SEMA5A: variants seen among roughly 807,000 people sequenced by gnomAD.
The protein encoded by SEMA5A is semaphorin 5A.
SEMA5A carries 55 observed loss-of-function variants against 135.5 expected under a neutral mutation model. The observed-to-expected ratio is 0.41, with a 90% CI of 0.33 to 0.51. SEMA5A has a LOEUF of 0.51. Among genes scored for constraint, SEMA5A ranks in the 20% least tolerant of loss-of-function variants. The pLI is 0.37. For synonymous variants in SEMA5A, 580 were observed against 546.5 expected (o/e 1.06, Z -0.85); for missense variants, 1,290 against 1,419.9 (o/e 0.91, Z 1.47).
chr5:9,509,898 G>C (rs996348314), intron 1 of SEMA5A, among the ~76,000 whole-genome samples: 3 of 152,086 alleles, frequency 2.0e-5, no homozygotes, highest in African/African-American at 4.8e-5. Context: ...AATCATGAAC[G>C]CTATTGGAGA....
chr5:9,237,949 T>A (rs989380730), intron 5 of SEMA5A, 59 bp from the exon 6 acceptor site: 1 of 1,523,396 alleles, frequency 6.6e-7, no homozygotes, highest in East Asian at 2.3e-5. Context: ...AGGGAAAATA[T>A]AAACAAGGTA....
At chr5:9,167,320 T>G (rs1024996591) in intron 11 of SEMA5A, among the ~76,000 whole-genome samples, 2 of 152,152 alleles carry the variant, frequency 1.3e-5, no homozygotes, top group African/African-American at 4.8e-5. Flanking sequence ...CAAAGAAGGA[T>G]TTCCAACCAA....
intron 7 of SEMA5A, among the ~76,000 whole-genome samples, 192 bp from the exon 8 acceptor site, chr5:9,225,079 A>C (rs1352665563): frequency 3.3e-5 from 5 of 151,800 alleles, no homozygotes; most frequent in Non-Finnish European, 7.4e-5. Flanking sequence ...ACAGTCCATC[A>C]ATCAGTTTCT....
chr5:9,215,565 T>A (rs369877702), intron 8 of SEMA5A, among the ~76,000 whole-genome samples: 2 of 151,760 alleles, frequency 1.3e-5, no homozygotes, highest in African/African-American at 4.9e-5. Flanking sequence ...AGCCAAGGAG[T>A]GCCTGGGGCT....
chr5:9,469,042 T>A (rs1238462976), intron 1 of SEMA5A, among the ~76,000 whole-genome samples: 2 of 152,188 alleles, frequency 1.3e-5, no homozygotes, highest in African/African-American at 4.8e-5. Context: ...GAAGTCTCTC[T>A]CTGTCGCCCA....
At chr5:9,350,275 TA>T (rs1754055724) in intron 3 of SEMA5A, among the ~76,000 whole-genome samples, 1 of 152,184 alleles carries the variant, frequency 6.6e-6, no homozygotes, top group African/African-American at 2.4e-5. Context: ...TTGGTTGATT[TA>T]GGTTGGAATC....
chr5:9,505,158 A>C lies in SEMA5A; in HGVS notation c.-175+40426T>G, dbSNP rs1735807246. Among the ~76,000 whole-genome samples the C allele has an allele frequency of 3.3e-5, 5 of 152,298 alleles. No homozygotes were observed. The South Asian group carries it at 1.0e-3, about 32-fold the overall frequency. On this transcript the variant is annotated intron_variant, in intron 1 of 22. Coordinates refer to ENST00000382496, the MANE Select transcript of SEMA5A (RefSeq NM_003966.3). The stretch of plus-strand genomic sequence containing the variant: ...TCTAAAACAAAAAAAAAAAATCTAG[A>C]AATATTTAGTATTCCTACAATGATA...
At chr5:9,092,159 A>T (rs1164257936) in intron 16 of SEMA5A, among the ~76,000 whole-genome samples, 1 of 152,142 alleles carries the variant, frequency 6.6e-6, no homozygotes, top group Non-Finnish European at 1.5e-5. Flanking sequence ...CCTCATACTC[A>T]TGGTTGTTCC....
chr5:9,483,261 T>C (rs906439884), intron 1 of SEMA5A, among the ~76,000 whole-genome samples: 1 of 152,158 alleles, frequency 6.6e-6, no homozygotes, highest in African/African-American at 2.4e-5. Flanking sequence ...AGTATCTCTA[T>C]ATATCTCTTT....
At chr5:9,427,316 G>T in intron 2 of SEMA5A, among the ~76,000 whole-genome samples, 1 of 152,028 alleles carries the variant, frequency 6.6e-6, no homozygotes, top group Non-Finnish European at 1.5e-5. Flanking sequence ...TCTCGGGGGG[G>T]AAAAAGATGA....
chr5:9,464,008 A>T (rs924460094), intron 1 of SEMA5A, among the ~76,000 whole-genome samples: 5 of 152,086 alleles, frequency 3.3e-5, no homozygotes, highest in Non-Finnish European at 1.5e-5. Flanking sequence ...AAACCTCGAC[A>T]CTGTTGACAT....
At chr5:9,172,108 A>G (rs556302309) in intron 11 of SEMA5A, among the ~76,000 whole-genome samples, 1 of 152,308 alleles carries the variant, frequency 6.6e-6, no homozygotes, top group East Asian at 1.9e-4. Context: ...CTAGAAGTGC[A>G]GGTTAAGTGT....
intron 17 of SEMA5A, among the ~76,000 whole-genome samples, chr5:9,063,392 G>A (rs1329897022): frequency 6.6e-6 from 1 of 152,122 alleles, no homozygotes. Flanking sequence ...TAGGTAGTTC[G>A]TTTACTTTTT....
At chr5:9,327,073 T>C (rs1001277280) in intron 4 of SEMA5A, among the ~76,000 whole-genome samples, 18 of 152,320 alleles carry the variant, frequency 1.2e-4, no homozygotes, top group Middle Eastern at 3.4e-3. Flanking sequence ...TGTATTTTTT[T>C]CATGGGTTTC....
In SEMA5A at chr5:9,204,294, G is replaced by A. The variant is rs1745889978; in HGVS notation, c.647-2054C>T. On this transcript the variant is annotated intron_variant, in intron 8 of 22. Coordinates refer to ENST00000382496, the MANE Select transcript of SEMA5A (RefSeq NM_003966.3). This position sits in a 1 kb window ranked among gnomAD's most constrained non-coding sequence, Gnocchi z 6.4. Reference sequence around the variant, plus strand: ...CAAGTGTGTCTAGCCCGGGACTTAGGTTACCAGCACACATGCAGGAGGTCC... The same window carrying A: ...CAAGTGTGTCTAGCCCGGGACTTAGATTACCAGCACACATGCAGGAGGTCC... 6.6e-6 allele frequency among the ~76,000 whole-genome samples: 1 copy of A among 152,120 alleles called. No homozygotes were observed. Among genetic ancestry groups the A allele is most frequent in the Non-Finnish European group, 1.5e-5 (1 of 68,026 alleles).
At chr5:9,399,449 C>T (rs112855856) in intron 2 of SEMA5A, among the ~76,000 whole-genome samples, 227 of 152,030 alleles carry the variant, frequency 1.5e-3, no homozygotes, top group African/African-American at 5.2e-3. Context: ...TTAGTGATTG[C>T]CAGGGGTTGA....
intron 6 of SEMA5A, among the ~76,000 whole-genome samples, chr5:9,229,538 C>T (rs1747502647): frequency 6.6e-6 from 1 of 152,238 alleles, no homozygotes. Flanking sequence ...CCCACAAAGA[C>T]ATCTTCCAGA....
chr5:9,133,774 T>C (rs1430264182), intron 13 of SEMA5A, among the ~76,000 whole-genome samples: 1 of 90,744 alleles, frequency 1.1e-5, no homozygotes, highest in South Asian at 3.9e-4. Context: ...ATCTTTCCTT[T>C]TCTTTCTTTC....
At position 9,466,651 on chromosome 5, in the gene SEMA5A, A is replaced by T. The variant is rs146757840; in HGVS notation, c.-174-28799T>A. 3.9e-5 allele frequency among the ~76,000 whole-genome samples: 6 copies of T among 152,362 alleles called. No homozygotes were observed. The East Asian group carries it at 1.2e-3, about 29-fold the overall frequency. On this transcript the variant is annotated intron_variant, in intron 1 of 22. Coordinates refer to ENST00000382496, the MANE Select transcript of SEMA5A (RefSeq NM_003966.3). ...AAATCCAATTACCAAAAAGTCATTA[A>T]ATGAATACAATCTGCTCTTACATTA...
Sources: gnomAD v4.1 joint callset for allele counts (sites outside exome capture counted in the v4.1 genomes callset) on GRCh38, gnomAD v4.1.1 for gene constraint, Gnocchi (gnomAD v3.1) non-coding constraint, MANE v1.5 for transcripts, NCBI Gene and HGNC (gene_info 2026-07-23, HGNC 2026-07-21) for gene names.